The following AFM variants were observed in gnomAD, a reference collection of about 807,000 sequenced individuals.
AFM encodes the protein afamin, also known as alpha-Alb.
In AFM, 82 loss-of-function variants were observed where a neutral mutation model predicts 68.7. The observed-to-expected ratio is 1.19, with a 90% CI of 1.00 to 1.43. The LOEUF (loss-of-function observed/expected upper bound fraction) is 1.43. Ranked by LOEUF, AFM falls within the 40% of genes most tolerant of loss-of-function variation. AFM has a pLI of 0.00. For synonymous variants in AFM, 250 were observed against 234.2 expected (o/e 1.07, Z -0.61); for missense variants, 772 against 701.8 (o/e 1.10, Z -1.13).
intron 12 of AFM, among the ~76,000 whole-genome samples, chr4:73,500,908 C>T (rs1020668122): frequency 6.6e-6 from 1 of 152,066 alleles, no homozygotes; most frequent in African/African-American, 2.4e-5. Context: ...CTAGTCTGGT[C>T]TATTTTATTC....
intron 1 of AFM, 54 bp from the exon 2 acceptor site, chr4:73,483,887 G>A: frequency 7.1e-7 from 1 of 1,407,052 alleles, no homozygotes; most frequent in Non-Finnish European, 9.7e-7. Flanking sequence ...TTATTTATTT[G>A]AAAAATGTTA....
intron 5 of AFM, 118 bp from the exon 6 acceptor site, chr4:73,487,606 C>G (rs1300760179): frequency 1.5e-5 from 10 of 670,358 alleles, no homozygotes; most frequent in African/African-American, 3.6e-5. Context: ...AATAAAAATC[C>G]TGTAGATTTT....
chr4:73,501,989 C>G lies in AFM; in HGVS notation c.1779+70C>G. The G allele has an allele frequency of 4.5e-6, 7 of 1,540,442 alleles. No homozygotes were observed. The South Asian group carries it at 8.3e-5, about 18-fold the overall frequency. ...TCAAATAAAATAAAACAGAACCCTG[C>G]AGGACACTGCTTCCTCTCTGCAGTG... On this transcript the variant is annotated intron_variant, in intron 13 of 14. Coordinates refer to ENST00000226355, the MANE Select transcript of AFM (RefSeq NM_001133.2).
chr4:73,503,537 G>T (rs747193469), intron 14 of AFM, among the ~76,000 whole-genome samples: 12 of 152,144 alleles, frequency 7.9e-5, no homozygotes, highest in Non-Finnish European at 1.8e-4. Flanking sequence ...GCTTTACTGA[G>T]ATATGATTCA....
chr4:73,500,313 C>G lies in AFM; in HGVS notation c.1646+86C>G, dbSNP rs527804850. ...GAGAAGGTTTATCTAGTGGATATGT[C>G]TTTTTGATATCACAATCCTGTTCCT... is the stretch of plus-strand genomic sequence containing the variant. On this transcript the variant is annotated intron_variant, in intron 12 of 14. Coordinates refer to ENST00000226355, the MANE Select transcript of AFM (RefSeq NM_001133.2). The G allele has an allele frequency of 4.6e-5, 53 of 1,145,536 alleles. No homozygotes were observed. In the East Asian group the frequency reaches 1.4e-3, roughly 29 times the overall value. 71.0% of individuals were successfully genotyped at this position (1,145,536 alleles called of 1,614,324 possible).
chr4:73,485,663 G>T (rs1720878795), intron 3 of AFM, among the ~76,000 whole-genome samples, 199 bp from the exon 4 acceptor site: 1 of 141,498 alleles, frequency 7.1e-6, no homozygotes, highest in Non-Finnish European at 1.5e-5. Context: ...AGGGGAGGAG[G>T]AGGAGGAGGA....
chr4:73,499,609 C>T (rs1721362674), intron 11 of AFM, among the ~76,000 whole-genome samples: 1 of 152,052 alleles, frequency 6.6e-6, no homozygotes, highest in Admixed American at 6.6e-5. Flanking sequence ...CTTCATCCAG[C>T]AATCAGGCAT....
chr4:73,501,095 C>T (rs1411915198), intron 12 of AFM, among the ~76,000 whole-genome samples: 2 of 152,208 alleles, frequency 1.3e-5, no homozygotes, highest in East Asian at 3.9e-4. Flanking sequence ...ACTTTTAAGA[C>T]ATCAATGGGT....
At chr4:73,482,945 T>G (rs896894032) in intron 1 of AFM, among the ~76,000 whole-genome samples, 15 of 152,200 alleles carry the variant, frequency 9.9e-5, no homozygotes, top group Admixed American at 7.2e-4. Flanking sequence ...GTCTTCCAAA[T>G]GAAGCCCATA....
intron 1 of AFM, among the ~76,000 whole-genome samples, chr4:73,483,208 C>A (rs1266646455): frequency 6.6e-6 from 1 of 152,124 alleles, no homozygotes; most frequent in African/African-American, 2.4e-5. Flanking sequence ...CTCCTATAAT[C>A]CTTTTTTTTC....
At chr4:73,499,772 G>T (rs187693078) in intron 11 of AFM, among the ~76,000 whole-genome samples, 1 of 152,078 alleles carries the variant, frequency 6.6e-6, no homozygotes, top group Non-Finnish European at 1.5e-5. Context: ...ATGCCACCAA[G>T]AAATTAATTT....
rs141880946 is a variant in AFM, at chr4:73,491,958, C to T, written c.930C>T (p.Arg310=). Residue 310 remains arginine (R), a synonymous_variant, in exon 8 of 15, where the codon CGC becomes CGT. Transcript: ENST00000226355. ...KECCEKKIPE[R]GQCIINSNKD... ...GCTGTGAAAAGAAAATACCAGAGCGCGGCCAGTGCATAATTAACTCAAACA... is the reference window on the plus strand; with the variant it reads ...GCTGTGAAAAGAAAATACCAGAGCGTGGCCAGTGCATAATTAACTCAAACA... 3.2e-5 allele frequency: 51 copies of T among 1,613,822 alleles called. 1 individual carries two copies. The highest frequency in any genetic ancestry group is 2.2e-4 in the South Asian group (20 of 91,048).
intron 8 of AFM, among the ~76,000 whole-genome samples, chr4:73,494,482 G>A (rs909780453): frequency 1.3e-5 from 2 of 152,226 alleles, no homozygotes; most frequent in African/African-American, 4.8e-5. Flanking sequence ...GCTTGGTAAA[G>A]AATGGAGTAA....
Position 73,491,959 on chromosome 4 carries a change from G to T in AFM, c.931G>T (p.Gly311Cys). ...ECCEKKIPER[G>C]QCIINSNKDD... ...CTGTGAAAAGAAAATACCAGAGCGC[G>T]GCCAGTGCATAATTAACTCAAACAA... is the stretch of plus-strand genomic sequence containing the variant. Residue 311 changes from glycine (G) to cysteine (C), a missense_variant, in exon 8 of 15, where the codon GGC becomes TGC. Physicochemically the swap from Gly to Cys is radical, Grantham distance 159. Transcript: ENST00000226355. The T allele has an allele frequency of 1.2e-6, 2 of 1,613,848 alleles. No homozygotes were observed. The highest frequency in any genetic ancestry group is 8.5e-7 in the Non-Finnish European group (1 of 1,179,884).
chr4:73,490,799 A>G (rs1721049557), intron 7 of AFM, among the ~76,000 whole-genome samples: 1 of 152,194 alleles, frequency 6.6e-6, no homozygotes, highest in South Asian at 2.1e-4. Flanking sequence ...CTGAAAATAG[A>G]AGTAACTTCC....
chr4:73,503,462 T>A (rs893867652), intron 14 of AFM, among the ~76,000 whole-genome samples: 2 of 152,142 alleles, frequency 1.3e-5, no homozygotes, highest in Non-Finnish European at 2.9e-5. Flanking sequence ...GAGGGGTAAC[T>A]CCCTGGGGAC....
chr4:73,484,820 A>G (rs1361957218), intron 3 of AFM, among the ~76,000 whole-genome samples: 1 of 152,192 alleles, frequency 6.6e-6, no homozygotes, highest in Non-Finnish European at 1.5e-5. Context: ...TGCAGGCGTG[A>G]GCCACTGTGC....
chr4:73,489,813 G>A (rs1201765132), intron 7 of AFM, among the ~76,000 whole-genome samples: 1 of 152,168 alleles, frequency 6.6e-6, no homozygotes, highest in Non-Finnish European at 1.5e-5. Context: ...ACAGGCCAGG[G>A]CCTGTTGGGT....
chr4:73,490,532 G>C (rs1326537199), intron 7 of AFM, among the ~76,000 whole-genome samples: 4 of 152,102 alleles, frequency 2.6e-5, no homozygotes, highest in African/African-American at 7.2e-5. Context: ...CCATTCTCCT[G>C]CCTCAGCCTC....
Sources: allele counts gnomAD v4.1 joint callset (sites outside exome capture counted in the v4.1 genomes callset), GRCh38; gene constraint gnomAD v4.1.1; transcripts MANE v1.5; gene names NCBI Gene and HGNC (gene_info 2026-07-23, HGNC 2026-07-21).